The following FYN variants were observed in gnomAD, a reference collection of about 807,000 sequenced individuals.
FYN encodes the protein tyrosine-protein kinase Fyn.
A neutral mutation model predicts 70.2 loss-of-function variants in FYN; 10 were observed. That is an observed-to-expected ratio of 0.14 (90% confidence interval 0.09 to 0.24). The LOEUF (loss-of-function observed/expected upper bound fraction) is 0.24, where lower values mean the gene tolerates loss of function less well. Among genes scored for constraint, FYN ranks in the 10% least tolerant of loss-of-function variants. The pLI is 1.00. For missense variants in FYN, 319 were observed against 673.1 expected, an observed-to-expected ratio of 0.47 and a Z score of 5.82; for synonymous variants, 236 against 248.6, an observed-to-expected ratio of 0.95 and a Z score of 0.48.
chr6:111,772,294 C>T (rs924821160), intron 3 of FYN, among the ~76,000 whole-genome samples: 2 of 151,958 alleles, frequency 1.3e-5, no homozygotes, highest in Admixed American at 6.6e-5. Flanking sequence ...TCATACACTA[C>T]GAATAATTCA....
intron 4 of FYN, among the ~76,000 whole-genome samples, chr6:111,715,745 C>A (rs1800609793): frequency 6.6e-6 from 1 of 152,192 alleles, no homozygotes; most frequent in African/African-American, 2.4e-5. Flanking sequence ...ATAGCCCAGC[C>A]AACGTACCTT....
intron 5 of FYN, among the ~76,000 whole-genome samples, chr6:111,708,502 A>T (rs1051085630): frequency 2.6e-5 from 4 of 152,168 alleles, no homozygotes; most frequent in Non-Finnish European, 4.4e-5. Flanking sequence ...AAATGTTAAC[A>T]TCTTAACATT....
rs577309296 is a variant in FYN at position 111,798,086 on chromosome 6, T to C, written c.-81-17451A>G. ...ACCCTAGTTTAAATACATCTTAACA[T>C]TGCTATCTCAATATGGTGTGATTAA... On this transcript the variant is annotated intron_variant, in intron 2 of 13. Transcript: ENST00000354650. 2.2e-4 allele frequency among the ~76,000 whole-genome samples: 33 copies of C among 152,276 alleles called. 1 individual carries two copies. The South Asian group carries it at 6.2e-3, about 29-fold the overall frequency.
chr6:111,668,757 C>T (rs1420385007), intron 13 of FYN, among the ~76,000 whole-genome samples: 1 of 152,102 alleles, frequency 6.6e-6, no homozygotes, highest in Non-Finnish European at 1.5e-5. Context: ...GGTTCCCTCT[C>T]TGAGGGGACA....
intron 5 of FYN, among the ~76,000 whole-genome samples, chr6:111,713,063 T>C (rs541997103): frequency 2.6e-5 from 4 of 152,208 alleles, no homozygotes; most frequent in South Asian, 4.2e-4. Context: ...ACAATCCTAA[T>C]ATATGTTTGA....
chr6:111,739,029 T>C lies in FYN; in HGVS notation c.-11-18967A>G, dbSNP rs374127541. The stretch of plus-strand genomic sequence containing the variant: ...CTGCCAAGAATGGCTTCTCTCCCCA[T>C]CCCTACATGAAGCCGAATGCCTAAC... On this transcript the variant is annotated intron_variant, in intron 3 of 13. Coordinates refer to ENST00000354650, the MANE Select transcript of FYN (RefSeq NM_002037.5). Among the ~76,000 whole-genome samples, 7 of 152,192 alleles carry C rather than the reference T, an allele frequency of 4.6e-5. No individual in the cohort carries two copies. In the South Asian group the frequency reaches 1.2e-3, roughly 27 times the overall value.
In FYN at chr6:111,759,597, C is replaced by T. The variant is rs1802910475; in HGVS notation, c.-12+20969G>A. Among the ~76,000 whole-genome samples the T allele has an allele frequency of 3.9e-5, 6 of 152,260 alleles. No homozygotes were observed. In the South Asian group the frequency reaches 8.3e-4, roughly 21 times the overall value. ...CAAGGACTGTGGATCTTTTGGTTCC[C>T]CCCCTAGGGGTTCTTGCCCTTCAGG... On this transcript the variant is annotated intron_variant, in intron 3 of 13. Transcript: ENST00000354650.
chr6:111,761,588 G>A (rs547552653), intron 3 of FYN, among the ~76,000 whole-genome samples: 1 of 152,274 alleles, frequency 6.6e-6, no homozygotes, highest in South Asian at 2.1e-4. Context: ...ATAATTTGTG[G>A]GGACCCTGGA....
chr6:111,675,459 C>G (rs1174046536), intron 12 of FYN, among the ~76,000 whole-genome samples: 1 of 151,512 alleles, frequency 6.6e-6, no homozygotes, highest in African/African-American at 2.4e-5. Flanking sequence ...AGGGTGTGGT[C>G]CACCTTGCTT....
chr6:111,785,279 G>A (rs1220290501), intron 2 of FYN, among the ~76,000 whole-genome samples: 1 of 152,182 alleles, frequency 6.6e-6, no homozygotes, highest in Non-Finnish European at 1.5e-5. Flanking sequence ...TATCTCCCAT[G>A]TTCCCAGCTC....
intron 4 of FYN, among the ~76,000 whole-genome samples, chr6:111,717,665 T>C (rs966690188): frequency 1.3e-5 from 2 of 152,186 alleles, no homozygotes; most frequent in Non-Finnish European, 2.9e-5. Flanking sequence ...GGTTTCGCCA[T>C]GTTGGCCAGG....
At chr6:111,836,304 G>A (rs928934521) in intron 2 of FYN, among the ~76,000 whole-genome samples, 3 of 152,176 alleles carry the variant, frequency 2.0e-5, no homozygotes, top group African/African-American at 4.8e-5. Flanking sequence ...TCACTATCTC[G>A]AATCTCAGCT....
chr6:111,693,228 G>A (rs577643730), intron 12 of FYN, among the ~76,000 whole-genome samples: 55 of 152,122 alleles, frequency 3.6e-4, no homozygotes, highest in Non-Finnish European at 6.5e-4. Flanking sequence ...AGGAACAGGG[G>A]CAAGAGAAGG....
At chr6:111,670,353 A>G (rs1464490114) in intron 13 of FYN, among the ~76,000 whole-genome samples, 2 of 151,764 alleles carry the variant, frequency 1.3e-5, no homozygotes, top group Non-Finnish European at 2.9e-5. Flanking sequence ...TAGGTCTTCT[A>G]CTCACCAGTG....
chr6:111,854,844 C>A (rs1237831240), intron 1 of FYN, among the ~76,000 whole-genome samples: 1 of 152,210 alleles, frequency 6.6e-6, no homozygotes, highest in African/African-American at 2.4e-5. Context: ...TCACTGACTA[C>A]ATAAACCACA....
chr6:111,704,659 C>T (rs1336882584), intron 6 of FYN, among the ~76,000 whole-genome samples: 1 of 151,974 alleles, frequency 6.6e-6, no homozygotes, highest in Non-Finnish European at 1.5e-5. Flanking sequence ...GAGGCTGAGG[C>T]AGGAGAATCA....
At chr6:111,807,623 A>G (rs1772189654) in intron 2 of FYN, among the ~76,000 whole-genome samples, 2 of 152,220 alleles carry the variant, frequency 1.3e-5, no homozygotes, top group South Asian at 4.2e-4. Flanking sequence ...CTTGGGTGCT[A>G]TGTTATCAGG....
Position 111,714,549 on chromosome 6 carries a change from C to T in FYN, c.248-106G>A, listed in dbSNP as rs1167287650. Reference sequence around the variant, plus strand: ...CTCATTCTCACAATCTACATCTAGCCAGCACTAATAACATGATGAAGTGTT... The same window carrying T: ...CTCATTCTCACAATCTACATCTAGCTAGCACTAATAACATGATGAAGTGTT... On this transcript the variant is annotated intron_variant, in intron 4 of 13. Transcript: ENST00000354650. 30 of 803,702 alleles carry T rather than the reference C, an allele frequency of 3.7e-5. No individual in the cohort carries two copies. The Admixed American group carries it at 5.4e-4, about 15-fold the overall frequency. 49.8% of individuals were successfully genotyped at this position (803,702 alleles called of 1,614,324 possible).
chr6:111,839,854 G>A (rs1375427113), intron 2 of FYN, among the ~76,000 whole-genome samples: 1 of 152,130 alleles, frequency 6.6e-6, no homozygotes, highest in African/African-American at 2.4e-5. Flanking sequence ...GTGGGCTAGT[G>A]TAATAAGTGC....
Sources: allele counts gnomAD v4.1 joint callset (sites outside exome capture counted in the v4.1 genomes callset), GRCh38; gene constraint gnomAD v4.1.1; transcripts MANE v1.5; gene names NCBI Gene and HGNC (gene_info 2026-07-23, HGNC 2026-07-21).